FHIP1B: variants seen among roughly 807,000 people sequenced by gnomAD.
FHIP1B encodes FHF complex subunit HOOK interacting protein 1B, also known as FHF complex subunit HOOK-interacting protein 1B.
Under a neutral mutation model 82.2 loss-of-function variants are expected in FHIP1B, and 28 were observed. That is an observed-to-expected ratio of 0.34 (90% CI 0.25 to 0.47). The LOEUF (loss-of-function observed/expected upper bound fraction) is 0.47, where lower values mean the gene tolerates loss of function less well. FHIP1B is among the 20% of genes least tolerant of loss of function. The pLI, the probability that FHIP1B is intolerant of heterozygous loss-of-function variation, is 1.00. For missense variants in FHIP1B, 1,110 were observed against 1,262.6 expected, an observed-to-expected ratio of 0.88 and a Z score of 1.83; for synonymous variants, 585 against 516.1, an observed-to-expected ratio of 1.13 and a Z score of -1.81.
chr11:6,218,040 A>G lies in FHIP1B; in HGVS notation c.1546T>C (p.Ser516Pro). 1 of 1,613,320 alleles carries G rather than the reference A, an allele frequency of 6.2e-7. No homozygotes were observed. Among genetic ancestry groups the G allele is most frequent in the Non-Finnish European group, 8.5e-7 (1 of 1,179,756 alleles). ...LRQQSLGGSE[S>P]PGPAPCSPGL... ...GGTGAGCAAGGGGCTGGGCCTGGAG[A>G]CTCAGAGCCACCCAGGCTCTGCTGC... The change falls in exon 9 of 12, where the codon TCT becomes CCT. Residue 516 changes from serine (S) to proline (P), a missense_variant. Transcript: ENST00000449352.
At chr11:6,233,597 C>A (rs1847758355) in intron 1 of FHIP1B, among the ~76,000 whole-genome samples, 1 of 152,158 alleles carries the variant, frequency 6.6e-6, no homozygotes, top group South Asian at 2.1e-4. Context: ...TATAAACTAG[C>A]TTTTTAAAAA....
At chr11:6,224,823 A>C in intron 1 of FHIP1B, 116 bp from the exon 2 acceptor site, 2 of 259,488 alleles carry the variant, frequency 7.7e-6, no homozygotes, top group Non-Finnish European at 1.5e-5. Context: ...CATACACACA[A>C]TCAGCAACTG....
In FHIP1B at chr11:6,218,778, A is replaced by G. The variant is rs1590617382; in HGVS notation, c.1272-15T>C. The stretch of plus-strand genomic sequence containing the variant: ...GAACAAGATACCTGAGAAAGACATC[A>G]GAAAGGGGACACAGGGTAGATCAGG... On this transcript the variant is annotated splice_polypyrimidine_tract_variant and intron_variant, in intron 7 of 11. Transcript: ENST00000449352. 6.2e-7 allele frequency: 1 copy of G among 1,613,970 alleles called. No homozygotes were observed. The highest frequency in any genetic ancestry group is 8.5e-7 in the Non-Finnish European group (1 of 1,179,832).
At position 6,218,626 on chromosome 11, in the gene FHIP1B, C is replaced by T. The variant is rs761361147; in HGVS notation, c.1409G>A (p.Arg470His). 12 of 1,613,956 alleles carry T rather than the reference C, an allele frequency of 7.4e-6. No individual in the cohort carries two copies. Among genetic ancestry groups the T allele is most frequent in the African/African-American group, 2.7e-5 (2 of 74,892 alleles). ...CCRHHAPSPP[R>H]PEHASWARGP... Reference sequence around the variant, plus strand: ...TCGTGCCCATGAGGCATGCTCTGGACGAGGTGGGCTGGGGGCGTGGTGCCG... The same window carrying T: ...TCGTGCCCATGAGGCATGCTCTGGATGAGGTGGGCTGGGGGCGTGGTGCCG... Residue 470 changes from arginine to histidine, a missense_variant, in exon 8 of 12, where the codon CGT becomes CAT. Physicochemically the swap from Arg to His is conservative, Grantham distance 29. Coordinates refer to ENST00000449352, the MANE Select transcript of FHIP1B (RefSeq NM_001098794.2).
intron 1 of FHIP1B, among the ~76,000 whole-genome samples, chr11:6,227,797 T>G (rs1189860977): frequency 3.3e-5 from 5 of 152,132 alleles, no homozygotes; most frequent in Non-Finnish European, 7.4e-5. Context: ...AGGAGGAGTC[T>G]TTAAAGAAGA....
At position 6,223,594 on chromosome 11, in the gene FHIP1B, G is replaced by A. The variant is rs1043500032; in HGVS notation, c.777+16C>T. ...CTACACACCACACCCTACCCTCCAA[G>A]CCAGGGGGTGCTAACCGGGCAGAAG... On this transcript the variant is annotated intron_variant, in intron 3 of 11. Coordinates refer to ENST00000449352, the MANE Select transcript of FHIP1B (RefSeq NM_001098794.2). This position sits in a 1 kb window ranked among gnomAD's most constrained non-coding sequence, Gnocchi z 4.8. 1 of 1,564,206 alleles carries A rather than the reference G, an allele frequency of 6.4e-7. No individual in the cohort carries two copies. Among genetic ancestry groups the A allele is most frequent in the African/African-American group, 1.4e-5 (1 of 73,606 alleles).
rs745320227 is a variant in FHIP1B at position 6,211,759 on chromosome 11, G to A, written c.2666C>T (p.Ala889Val). ...QLVLQPGRDG[A>V]GLGLSGGSPG... ...GGAGCCCCCACTTAGGCCAAGTCCT[G>A]CTCCGTCTCGCCCAGGCTGAAGGAC... The change falls in exon 12 of 12, where the codon GCA becomes GTA. Residue 889 changes from alanine (A) to valine (V), a missense_variant. Around this residue, in one of 6 missense-constraint regions of FHIP1B, gnomAD observed 147 missense variants for 154.0 expected, o/e 0.95. Coordinates refer to ENST00000449352, the MANE Select transcript of FHIP1B (RefSeq NM_001098794.2). The A allele has an allele frequency of 6.2e-7, 1 of 1,614,220 alleles. No homozygotes were observed. Among genetic ancestry groups the A allele is most frequent in the Admixed American group, 1.7e-5 (1 of 60,024 alleles).
At chr11:6,229,880 T>A (rs984974227) in intron 1 of FHIP1B, among the ~76,000 whole-genome samples, 1 of 151,106 alleles carries the variant, frequency 6.6e-6, no homozygotes, top group African/African-American at 2.4e-5. Flanking sequence ...GGTATTCCTA[T>A]CACCTAATTA....
At chr11:6,233,411 G>T (rs1847752295) in intron 1 of FHIP1B, among the ~76,000 whole-genome samples, 1 of 152,110 alleles carries the variant, frequency 6.6e-6, no homozygotes. Context: ...CGTGCATTTG[G>T]GTTGGTGGGG....
At position 6,214,837 on chromosome 11, in the gene FHIP1B, T is replaced by G; in HGVS notation, c.2290A>C (p.Thr764Pro). 1 of 1,612,430 alleles carries G rather than the reference T, an allele frequency of 6.2e-7. No individual in the cohort carries two copies. Among genetic ancestry groups the G allele is most frequent in the African/African-American group, 1.3e-5 (1 of 75,004 alleles). ...QNSVYVNFLL[T>P]GLVAQLACHP... ...CAGGCCAGCTGGGCCACCAGCCCCG[T>G]CAGCAGGAAGTTGACATAGACGGAG... The change falls in exon 10 of 12, where the codon ACG becomes CCG. Residue 764 changes from threonine (T) to proline (P), a missense_variant. Around this residue, in one of 6 missense-constraint regions of FHIP1B, gnomAD observed 39 missense variants for 79.6 expected, o/e 0.49. Coordinates refer to ENST00000449352, the MANE Select transcript of FHIP1B (RefSeq NM_001098794.2).
At chr11:6,219,775 C>G (rs931948040) in intron 6 of FHIP1B, among the ~76,000 whole-genome samples, 1 of 152,328 alleles carries the variant, frequency 6.6e-6, no homozygotes, top group Middle Eastern at 3.4e-3. Context: ...ACTTCCCTTA[C>G]AGCAAGTGTG....
At chr11:6,214,034 GAAAAAAAAAAAAAAAAAA>G (rs59502569) in intron 11 of FHIP1B, among the ~76,000 whole-genome samples, 3 of 36,610 alleles carry the variant, frequency 8.2e-5, no homozygotes, top group African/African-American at 2.2e-4. Context: ...GACCTCTCCT[GAAAAAAAAAAAAAAAAAA>G]AAAAAAAAAA....
At chr11:6,225,710 T>G (rs550968234) in intron 1 of FHIP1B, among the ~76,000 whole-genome samples, 3 of 152,226 alleles carry the variant, frequency 2.0e-5, no homozygotes, top group African/African-American at 7.2e-5. Flanking sequence ...CTGGGACTAC[T>G]GAAGAAGAAA....
Position 6,218,655 on chromosome 11 carries a change from A to G in FHIP1B, c.1380T>C (p.Cys460=). The change falls in exon 8 of 12, where the codon TGT becomes TGC. Residue 460 remains cysteine (C), a synonymous_variant. Transcript: ENST00000449352. ...GTGGGCTGGGGGCGTGGTGCCGACA[A>G]CAGCGTGGGATTAGGGAGAGAAACT... ...ADKFLSLIPR[C]CRHHAPSPPR... The G allele has an allele frequency of 6.2e-7, 1 of 1,614,164 alleles. No individual in the cohort carries two copies. The highest frequency in any genetic ancestry group is 1.1e-5 in the South Asian group (1 of 91,084).
rs774809897 is a variant in FHIP1B, at chr11:6,214,591, G to A, written c.2395-18C>T. 90 of 1,603,542 alleles carry A rather than the reference G, an allele frequency of 5.6e-5. No individual in the cohort carries two copies. Among genetic ancestry groups the A allele is most frequent in the Admixed American group, 2.9e-4 (17 of 59,388 alleles). On this transcript the variant is annotated intron_variant, in intron 10 of 11. Coordinates refer to ENST00000449352, the MANE Select transcript of FHIP1B (RefSeq NM_001098794.2). ...CCCAGCACCTATGAAGCACACCTTC[G>A]TGACATTTCTGAGCAGCTCTAGACT...
chr11:6,211,377 G>A lies in FHIP1B; in HGVS notation c.*129C>T. Reference sequence around the variant, plus strand: ...TTCCCTTTTATACATATTGCAACAAGTTCTCCATAAAACATTCATCTGAAA... The same window carrying A: ...TTCCCTTTTATACATATTGCAACAAATTCTCCATAAAACATTCATCTGAAA... On this transcript the variant is annotated 3_prime_UTR_variant, in exon 12 of 12. Coordinates refer to ENST00000449352, the MANE Select transcript of FHIP1B (RefSeq NM_001098794.2). 1 of 1,239,952 alleles carries A rather than the reference G, an allele frequency of 8.1e-7. No individual in the cohort carries two copies. The highest frequency in any genetic ancestry group is 2.4e-5 in the East Asian group (1 of 40,858). The allele number at this position is 1,239,952 out of a possible 1,614,324, so 76.8% of individuals were successfully genotyped here.
At chr11:6,218,291 TA>T in intron 8 of FHIP1B, 141 bp from the exon 9 acceptor site, 1 of 1,237,822 alleles carries the variant, frequency 8.1e-7, no homozygotes. Flanking sequence ...TCCAACCTCC[TA>T]ATTAACCTTA....
Position 6,217,315 on chromosome 11 carries a change from A to G in FHIP1B, c.2215+56T>C, listed in dbSNP as rs568595635. 83 of 1,522,050 alleles carry G rather than the reference A, an allele frequency of 5.5e-5. No homozygotes were observed. In the South Asian group the frequency reaches 8.3e-4, roughly 15 times the overall value. 94.3% of individuals were successfully genotyped at this position (1,522,050 alleles called of 1,614,324 possible). On this transcript the variant is annotated intron_variant, in intron 9 of 11. Transcript: ENST00000449352. The stretch of plus-strand genomic sequence containing the variant: ...AGAGGTCCAAGAAACCAGCACAAAC[A>G]TGTCGAGAACATGCAAAGAGTACAC...
rs1055138389 is a variant in FHIP1B, at chr11:6,215,102, A to G, written c.2216-191T>C. 1.5e-5 allele frequency: 7 copies of G among 478,182 alleles called. No homozygotes were observed. In the South Asian group the frequency reaches 2.1e-4, roughly 15 times the overall value. 29.6% of individuals were successfully genotyped at this position (478,182 alleles called of 1,614,324 possible). On this transcript the variant is annotated intron_variant, in intron 9 of 11. Transcript: ENST00000449352. ...ATGGCAGACACCATATGGACCCACA[A>G]GATTCCAGATGCCAGCTTTACACAC...
Sources: gnomAD v4.1 joint callset for allele counts (sites outside exome capture counted in the v4.1 genomes callset) on GRCh38, gnomAD v4.1.1 for gene constraint, gnomAD v4.1.1 regional missense constraint, Gnocchi (gnomAD v3.1) non-coding constraint, MANE v1.5 for transcripts, NCBI Gene and HGNC (gene_info 2026-07-23, HGNC 2026-07-21) for gene names.